Variants in CEP192 observed in about 807,000 individuals in gnomAD.
CEP192 encodes centrosomal protein of 192 kDa.
In CEP192, 151 loss-of-function variants were observed where a neutral mutation model predicts 271.8. The ratio of observed to expected loss-of-function variants is 0.56; its 90% CI spans 0.49 to 0.64. The LOEUF is 0.64. CEP192 is among the 30% of genes least tolerant of loss of function. The pLI, the probability that CEP192 is intolerant of heterozygous loss-of-function variation, is 0.00. For synonymous variants in CEP192, 995 were observed against 1,076.5 expected, an observed-to-expected ratio of 0.92 and a Z score of 1.48; for missense variants, 2,910 against 3,020.5, an observed-to-expected ratio of 0.96 and a Z score of 0.86.
chr18:13,090,271 A>C (rs1044515160), intron 33 of CEP192, among the ~76,000 whole-genome samples: 6 of 152,230 alleles, frequency 3.9e-5, no homozygotes, highest in African/African-American at 1.4e-4. Flanking sequence ...GAATATTTGA[A>C]GCCATTAGAA....
At chr18:13,021,768 T>C (rs1193668540) in intron 9 of CEP192, among the ~76,000 whole-genome samples, 1 of 152,220 alleles carries the variant, frequency 6.6e-6, no homozygotes, top group Non-Finnish European at 1.5e-5. Context: ...TTTAGGTCTT[T>C]AGGTCTTCTT....
intron 33 of CEP192, 109 bp from the exon 34 acceptor site, chr18:13,092,268 C>A (rs555768513): frequency 1.3e-6 from 1 of 746,038 alleles, no homozygotes; most frequent in Non-Finnish European, 2.0e-6. Flanking sequence ...TCACCTCCCC[C>A]AACCCAGGAA....
At position 13,117,449 on chromosome 18, in the gene CEP192, T is replaced by A. The variant is rs893818743; in HGVS notation, c.7417-136T>A. On this transcript the variant is annotated intron_variant, in intron 43 of 44. Coordinates refer to ENST00000506447, the MANE Select transcript of CEP192 (RefSeq NM_032142.4). ...AAATATGTTTTCATTACATTAGCAT[T>A]TATTGTACTACCTAATTTTGTGGCA... The A allele has an allele frequency of 8.3e-6, 5 of 601,888 alleles. No homozygotes were observed. In the Admixed American group the frequency reaches 1.2e-4, roughly 15 times the overall value. The allele number at this position is 601,888 out of a possible 1,614,324, so 37.3% of individuals were successfully genotyped here. A position where few individuals can be genotyped will look rare whatever the true frequency, so the allele number is the denominator to read the frequency against.
chr18:13,080,327 T>C (rs2038527142), intron 30 of CEP192, among the ~76,000 whole-genome samples: 1 of 152,226 alleles, frequency 6.6e-6, no homozygotes, highest in African/African-American at 2.4e-5. Flanking sequence ...CAGTGGTTTG[T>C]AGTTCTCCTT....
At chr18:13,022,029 A>G (rs1470219883) in intron 9 of CEP192, among the ~76,000 whole-genome samples, 1 of 152,010 alleles carries the variant, frequency 6.6e-6, no homozygotes, top group Non-Finnish European at 1.5e-5. Flanking sequence ...TCTGTCATCC[A>G]TTTTCAGTTA....
intron 28 of CEP192, 44 bp from the exon 29 acceptor site, chr18:13,072,711 A>C: frequency 2.4e-6 from 3 of 1,273,872 alleles, no homozygotes; most frequent in Non-Finnish European, 3.4e-6. Flanking sequence ...TGGTAGCAAT[A>C]TCCATGGAGA....
Position 13,042,232 on chromosome 18 carries a change from G to T in CEP192, c.1965G>T (p.Gln655His), listed in dbSNP as rs2036246900. ...SGDLNEQSQA[Q>H]LSEGSITLQV... is the part of the protein sequence containing the mutation. ...ATTTAAATGAACAGTCCCAGGCACAGCTAAGTGAAGGATCAATTACACTTC... is the reference window on the plus strand; with the variant it reads ...ATTTAAATGAACAGTCCCAGGCACATCTAAGTGAAGGATCAATTACACTTC... Residue 655 changes from glutamine (Q) to histidine (H), a missense_variant, in exon 15 of 45, where the codon CAG becomes CAT. Physicochemically the swap from Gln to His is conservative, Grantham distance 24 (BLOSUM62 0). Coordinates refer to ENST00000506447, the MANE Select transcript of CEP192 (RefSeq NM_032142.4). 2 of 1,612,910 alleles carry T rather than the reference G, an allele frequency of 1.2e-6. No homozygotes were observed. The highest frequency in any genetic ancestry group is 4.5e-5 in the East Asian group (2 of 44,866).
At chr18:12,996,217 G>A (rs770704923) in intron 1 of CEP192, among the ~76,000 whole-genome samples, 13 of 142,652 alleles carry the variant, frequency 9.1e-5, no homozygotes, top group Non-Finnish European at 2.0e-4. Flanking sequence ...GGGTTGGGGG[G>A]TAGGTTGGGG....
In CEP192 at chr18:13,117,547, T is replaced by G. The variant is rs764891683; in HGVS notation, c.7417-38T>G. On this transcript the variant is annotated intron_variant, in intron 43 of 44. Transcript: ENST00000506447. Reference sequence around the variant, plus strand: ...GCTTATATATGCTAAAAGATCTAATTTTCATAACTTTATAAAGTGTCTTCT... The same window carrying G: ...GCTTATATATGCTAAAAGATCTAATGTTCATAACTTTATAAAGTGTCTTCT... 8 of 1,453,622 alleles carry G rather than the reference T, an allele frequency of 5.5e-6. No individual in the cohort carries two copies. The East Asian group carries it at 1.8e-4, about 33-fold the overall frequency. 90.0% of individuals were successfully genotyped at this position (1,453,622 alleles called of 1,614,324 possible).
At chr18:13,002,305 ATTAAGCTC>A (rs1398540821) in intron 3 of CEP192, among the ~76,000 whole-genome samples, 1 of 139,700 alleles carries the variant, frequency 7.2e-6, no homozygotes, top group Non-Finnish European at 1.5e-5. Context: ...ACAAAATAAG[ATTAAGCTC>A]TTATTCTATT....
intron 39 of CEP192, chr18:13,103,995 G>T: frequency 2.7e-6 from 1 of 375,932 alleles, no homozygotes; most frequent in Non-Finnish European, 5.3e-6. Flanking sequence ...TGGCCTTGCT[G>T]GTTATTTGTT....
At chr18:12,995,752 G>A (rs980353789) in intron 1 of CEP192, among the ~76,000 whole-genome samples, 7 of 152,220 alleles carry the variant, frequency 4.6e-5, no homozygotes, top group African/African-American at 1.7e-4. Context: ...GTAGGTTGAG[G>A]AGGCAAGGCC....
rs548822930 is a variant in CEP192, at chr18:13,098,193, C to G, written c.6558-1283C>G. 1.1e-3 allele frequency among the ~76,000 whole-genome samples: 161 copies of G among 152,140 alleles called. 1 individual carries two copies. The highest frequency in any genetic ancestry group is 1.7e-3 in the Admixed American group (26 of 15,304). ...CCAGACGGGGTGGTGGCCAGGCAGACGGGCTCCTCACTTCCCAGTAGGGGC... is the reference window on the plus strand; with the variant it reads ...CCAGACGGGGTGGTGGCCAGGCAGAGGGGCTCCTCACTTCCCAGTAGGGGC... On this transcript the variant is annotated intron_variant, in intron 36 of 44. Transcript: ENST00000506447.
chr18:13,084,621 TG>T (rs1001368617), intron 30 of CEP192, among the ~76,000 whole-genome samples: 4 of 152,140 alleles, frequency 2.6e-5, no homozygotes, highest in Admixed American at 2.6e-4. Flanking sequence ...TCACCCTCCG[TG>T]GGCTGCACCC....
chr18:13,031,539 G>A lies in CEP192; in HGVS notation c.1534+931G>A, dbSNP rs183615802. On this transcript the variant is annotated intron_variant, in intron 11 of 44. Coordinates refer to ENST00000506447, the MANE Select transcript of CEP192 (RefSeq NM_032142.4). ...TGGGATTACAGGCGTGAGCCACCGC[G>A]CCCGGCCACCTGGCCTTATTGTTAA... 2.3e-3 allele frequency among the ~76,000 whole-genome samples: 352 copies of A among 152,120 alleles called. 1 individual carries two copies. Among genetic ancestry groups the A allele is most frequent in the African/African-American group, 8.1e-3 (335 of 41,462 alleles).
intron 36 of CEP192, among the ~76,000 whole-genome samples, chr18:13,097,457 T>C (rs369104627): frequency 2.6e-5 from 4 of 151,810 alleles, no homozygotes; most frequent in African/African-American, 9.7e-5. Context: ...TCCCCGACCC[T>C]TTTTTTTCCA....
chr18:13,092,513 C>T lies in CEP192; in HGVS notation c.6240C>T (p.Ser2080=). 8 of 1,606,536 alleles carry T rather than the reference C, an allele frequency of 5.0e-6. No homozygotes were observed. Among genetic ancestry groups the T allele is most frequent in the Non-Finnish European group, 6.8e-6 (8 of 1,177,098 alleles). The change falls in exon 34 of 45, where the codon AGC becomes AGT. Residue 2080 remains serine, a synonymous_variant. Transcript: ENST00000506447. ...REFLQPSSKA[S]LESTSDLGAS... is the part of the protein sequence containing the mutation. ...TCCTTCAGCCTTCTTCCAAAGCTAG[C>T]TTGGAATCTACAAGGTAAAATAAAT... is the stretch of plus-strand genomic sequence containing the variant.
At chr18:13,118,741 G>A (rs527989894) in intron 44 of CEP192, among the ~76,000 whole-genome samples, 1 of 152,310 alleles carries the variant, frequency 6.6e-6, no homozygotes, top group African/African-American at 2.4e-5. Flanking sequence ...GCATAGAATT[G>A]TGAGGAATGT....
At chr18:13,093,552 A>T (rs955062283) in intron 34 of CEP192, among the ~76,000 whole-genome samples, 4 of 152,190 alleles carry the variant, frequency 2.6e-5, no homozygotes. Flanking sequence ...TTTTAGGTGA[A>T]GCCTGGAGAA....
Sources: allele counts gnomAD v4.1 joint callset (sites outside exome capture counted in the v4.1 genomes callset), GRCh38; gene constraint gnomAD v4.1.1; transcripts MANE v1.5; gene names NCBI Gene and HGNC (gene_info 2026-07-23, HGNC 2026-07-21).